The following VWDE variants were observed in gnomAD, a reference collection of about 807,000 sequenced individuals.
VWDE encodes von Willebrand factor D and EGF domain-containing protein.
A neutral mutation model predicts 178.4 loss-of-function variants in VWDE; 207 were observed. The observed-to-expected ratio is 1.16, with a 90% confidence interval of 1.04 to 1.30. The LOEUF is 1.30. VWDE is among the 50% of genes most tolerant of loss of function. The pLI, the probability that VWDE is intolerant of heterozygous loss-of-function variation, is 0.00. For missense variants in VWDE, 2,287 were observed against 1,901.3 expected (o/e 1.20, Z -3.77); for synonymous variants, 738 against 651.4 (o/e 1.13, Z -2.02).
At chr7:12,381,881 C>T (rs1481567924) in intron 4 of VWDE, among the ~76,000 whole-genome samples, 1 of 151,638 alleles carries the variant, frequency 6.6e-6, no homozygotes, top group Admixed American at 6.6e-5. Context: ...AAAAATAATT[C>T]ATGATGATTA....
chr7:12,364,112 G>A (rs1259150582), intron 13 of VWDE, among the ~76,000 whole-genome samples: 1 of 152,016 alleles, frequency 6.6e-6, no homozygotes, highest in Non-Finnish European at 1.5e-5. Flanking sequence ...AATAAGGAAA[G>A]GAGAAGGCTA....
intron 14 of VWDE, 38 bp downstream of exon 14, chr7:12,361,327 CT>C (rs1395698755): frequency 6.5e-7 from 1 of 1,541,038 alleles, no homozygotes; most frequent in Admixed American, 2.0e-5. Context: ...TAAGTATTTA[CT>C]TTGTTTATAA....
chr7:12,374,613 C>G, intron 9 of VWDE, 76 bp downstream of exon 9: 1 of 1,079,490 alleles, frequency 9.3e-7, no homozygotes, highest in South Asian at 1.5e-5. Context: ...AATTATAAAA[C>G]AATACACTGT....
At chr7:12,403,080 G>A (rs1457737524) in intron 1 of VWDE, among the ~76,000 whole-genome samples, 1 of 152,162 alleles carries the variant, frequency 6.6e-6, no homozygotes, top group Non-Finnish European at 1.5e-5. Flanking sequence ...GATTAAAGAA[G>A]TAGGAGGGGA....
chr7:12,387,755 T>C (rs1331976874), intron 3 of VWDE, among the ~76,000 whole-genome samples: 1 of 152,150 alleles, frequency 6.6e-6, no homozygotes, highest in African/African-American at 2.4e-5. Flanking sequence ...GTTACCCATA[T>C]AATCATCATT....
At chr7:12,354,539 T>C (rs1782120336) in intron 18 of VWDE, 1 of 296,114 alleles carries the variant, frequency 3.4e-6, no homozygotes, top group African/African-American at 2.3e-5. Flanking sequence ...AAAAACATCG[T>C]ATGTCCAATT....
At chr7:12,400,690 C>G (rs1316418228) in intron 1 of VWDE, among the ~76,000 whole-genome samples, 3 of 123,732 alleles carry the variant, frequency 2.4e-5, no homozygotes, top group Admixed American at 2.3e-4. Flanking sequence ...CACTTTCCAC[C>G]TCATTGTACG....
At chr7:12,363,744 T>C (rs1053239740) in intron 13 of VWDE, among the ~76,000 whole-genome samples, 1 of 152,066 alleles carries the variant, frequency 6.6e-6, no homozygotes, top group African/African-American at 2.4e-5. Flanking sequence ...TGCATACCTT[T>C]GTATAGCTTC....
chr7:12,402,391 C>T (rs970127480), intron 1 of VWDE, among the ~76,000 whole-genome samples: 1 of 152,138 alleles, frequency 6.6e-6, no homozygotes, highest in Non-Finnish European at 1.5e-5. Context: ...TTTCCATTTA[C>T]CTCGTCTTCT....
At chr7:12,353,271 T>C (rs10249315) in intron 18 of VWDE, among the ~76,000 whole-genome samples, 134,582 of 152,210 alleles carry the variant, frequency 0.88, 59,583 homozygotes, top group Admixed American at 0.92. Flanking sequence ...TTGCTCTGTC[T>C]ATACATCACA....
intron 28 of VWDE, 82 bp downstream of exon 28, chr7:12,333,383 T>A (rs1400964177): frequency 5.0e-6 from 4 of 797,364 alleles, no homozygotes; most frequent in African/African-American, 1.8e-5. Context: ...TAAAAAAACA[T>A]TAATTAGTAA....
chr7:12,337,460 G>A (rs1781109453), intron 24 of VWDE, among the ~76,000 whole-genome samples, 188 bp from the exon 25 acceptor site: 1 of 152,148 alleles, frequency 6.6e-6, no homozygotes, highest in African/African-American at 2.4e-5. Flanking sequence ...TAAGCTACTA[G>A]TGGGTTAGCA....
rs772265465 is a variant in VWDE at position 12,380,660 on chromosome 7, C to G, written c.615G>C (p.Arg205Ser). The part of the protein sequence containing the change: ...PEVLVELIES[R>S]LFCRCSFDVP... ...CATCAAAAGAACACCTACAGAAAAG[C>G]CTGGACTCAATCAACTCCACCAGAA... is the stretch of plus-strand genomic sequence containing the variant. The change falls in exon 5 of 29, where the codon AGG becomes AGC. Residue 205 changes from arginine (R) to serine (S), a missense_variant. Coordinates refer to ENST00000275358, the MANE Select transcript of VWDE (RefSeq NM_001135924.3). 1 of 1,551,968 alleles carries G rather than the reference C, an allele frequency of 6.4e-7. No homozygotes were observed. The highest frequency in any genetic ancestry group is 8.7e-7 in the Non-Finnish European group (1 of 1,147,092).
At chr7:12,397,170 A>T (rs577530649) in intron 1 of VWDE, among the ~76,000 whole-genome samples, 1 of 152,184 alleles carries the variant, frequency 6.6e-6, no homozygotes, top group Non-Finnish European at 1.5e-5. Context: ...ACTTCATACT[A>T]TATTATAAGG....
chr7:12,342,030 A>G (rs2128546769), intron 23 of VWDE, 29 bp downstream of exon 23: 2 of 1,515,938 alleles, frequency 1.3e-6, no homozygotes, highest in African/African-American at 1.4e-5. Flanking sequence ...TTTAATTGAC[A>G]TGTTCATTGA....
At chr7:12,354,650 G>C (rs565808501) in intron 18 of VWDE, among the ~76,000 whole-genome samples, 2 of 152,230 alleles carry the variant, frequency 1.3e-5, no homozygotes, top group Admixed American at 6.5e-5. Flanking sequence ...AAAACTTACT[G>C]TATAATCAAA....
At chr7:12,364,026 C>T (rs1312281230) in intron 13 of VWDE, among the ~76,000 whole-genome samples, 4 of 151,890 alleles carry the variant, frequency 2.6e-5, no homozygotes, top group Non-Finnish European at 5.9e-5. Context: ...CTTACATATA[C>T]ATTTAGATTG....
chr7:12,385,145 G>T (rs78835728), intron 3 of VWDE, among the ~76,000 whole-genome samples: 1,952 of 150,632 alleles, frequency 0.013, 42 homozygotes, highest in African/African-American at 0.045. Context: ...AGGCTCTAGG[G>T]ATATATAGAT....
intron 3 of VWDE, chr7:12,388,797 C>G (rs1784228334): frequency 2.5e-6 from 1 of 406,032 alleles, no homozygotes; most frequent in Non-Finnish European, 4.8e-6. Context: ...TTTATGATAA[C>G]TTTTACTCAC....
Sources: gnomAD v4.1 joint callset for allele counts (sites outside exome capture counted in the v4.1 genomes callset) on GRCh38, gnomAD v4.1.1 for gene constraint, MANE v1.5 for transcripts, NCBI Gene and HGNC (gene_info 2026-07-23, HGNC 2026-07-21) for gene names.